The following USH2A variants were observed in gnomAD, a reference collection of about 807,000 sequenced individuals.
USH2A encodes usherin.
Under a neutral mutation model 538.9 loss-of-function variants are expected in USH2A, and 443 were observed. That is an observed-to-expected ratio of 0.82 (90% confidence interval 0.76 to 0.89). The LOEUF is 0.89. Ranked by LOEUF, USH2A falls within the 40% of genes least tolerant of loss-of-function variation. The pLI, the probability that USH2A is intolerant of heterozygous loss-of-function variation, is 0.00. For synonymous variants in USH2A, 2,413 were observed against 2,273.5 expected (o/e 1.06, Z -1.75); for missense variants, 6,633 against 6,324.8 (o/e 1.05, Z -1.65).
intron 10 of USH2A, among the ~76,000 whole-genome samples, chr1:216,290,955 T>C (rs780061401): frequency 5.3e-5 from 8 of 152,148 alleles, no homozygotes; most frequent in Non-Finnish European, 8.8e-5. Context: ...TTTCTCTCTA[T>C]CCGTACCATC....
chr1:215,795,953 C>T (rs1409519565), intron 50 of USH2A, among the ~76,000 whole-genome samples: 2 of 151,952 alleles, frequency 1.3e-5, no homozygotes, highest in Non-Finnish European at 2.9e-5. Flanking sequence ...TTTATTAATG[C>T]ATTTAGACAT....
intron 14 of USH2A, among the ~76,000 whole-genome samples, chr1:216,227,119 G>A (rs2035577863): frequency 6.6e-6 from 1 of 152,004 alleles, no homozygotes; most frequent in African/African-American, 2.4e-5. Flanking sequence ...ACCCATTTTT[G>A]TTTATTATAT....
chr1:216,073,595 G>A (rs995387420), intron 27 of USH2A, among the ~76,000 whole-genome samples: 7 of 152,094 alleles, frequency 4.6e-5, no homozygotes, highest in East Asian at 1.9e-4. Context: ...TCTAAATTCC[G>A]CTTCTTCCCA....
chr1:215,816,930 C>T, intron 48 of USH2A, 67 bp downstream of exon 48: 1 of 1,489,574 alleles, frequency 6.7e-7, no homozygotes, highest in South Asian at 1.1e-5. Context: ...GTGTGAGAAG[C>T]TAATAATTTC....
At chr1:216,205,759 TC>T (rs1421497961) in intron 16 of USH2A, among the ~76,000 whole-genome samples, 1 of 152,182 alleles carries the variant, frequency 6.6e-6, no homozygotes, top group African/African-American at 2.4e-5. Flanking sequence ...GAATTGCTGT[TC>T]CGAGGTTTCT....
chr1:216,366,860 A>G (rs1360715895), intron 3 of USH2A, among the ~76,000 whole-genome samples: 2 of 151,550 alleles, frequency 1.3e-5, no homozygotes, highest in Non-Finnish European at 1.5e-5. Flanking sequence ...GTAGGGCTGC[A>G]TTTTTTTTGC....
In USH2A at chr1:215,623,511, G is replaced by GGC. The variant is rs1280023477; in HGVS notation, c.*2268_*2269dup. 1 of 152,074 alleles carries GGC rather than the reference G, an allele frequency of 6.6e-6. No homozygotes were observed. The highest frequency in any genetic ancestry group is 1.9e-4 in the East Asian group (1 of 5,180). 9.4% of individuals were successfully genotyped at this position (152,074 alleles called of 1,614,324 possible). A position where few individuals can be genotyped will look rare whatever the true frequency, so the allele number is the denominator to read the frequency against. On this transcript the variant is annotated 3_prime_UTR_variant, in exon 72 of 72. Transcript: ENST00000307340. ...GAGTCTGCATGGTTTGTATAATAGA[G>GGC]GCTTGGCACGCAATACCACTTAAAG...
chr1:215,999,254 T>C lies in USH2A; in HGVS notation c.6486-196A>G, dbSNP rs539440166. The stretch of plus-strand genomic sequence containing the variant: ...TGAGGGGCAAAAAGGAAATGTGATA[T>C]GGCTCCTGCCATCTGGTTACCTGTA... On this transcript the variant is annotated intron_variant, in intron 33 of 71. Coordinates refer to ENST00000307340, the MANE Select transcript of USH2A (RefSeq NM_206933.4). Among the ~76,000 whole-genome samples, 7 of 152,344 alleles carry C rather than the reference T, an allele frequency of 4.6e-5. No individual in the cohort carries two copies. The East Asian group carries it at 1.3e-3, about 29-fold the overall frequency.
chr1:216,102,438 A>T (rs1332142037), intron 21 of USH2A, among the ~76,000 whole-genome samples: 3 of 151,396 alleles, frequency 2.0e-5, no homozygotes, highest in African/African-American at 7.3e-5. Flanking sequence ...TAATATCTAT[A>T]CATGCAACAT....
In USH2A at chr1:215,900,900, C is replaced by T; in HGVS notation, c.7306G>A (p.Asp2436Asn). The T allele has an allele frequency of 6.2e-7, 1 of 1,613,392 alleles. No homozygotes were observed. Among genetic ancestry groups the T allele is most frequent in the South Asian group, 1.1e-5 (1 of 91,080 alleles). Residue 2436 changes from aspartate (D) to asparagine (N), a missense_variant, in exon 39 of 72, where the codon GAT (aspartate) becomes AAT (asparagine). Transcript: ENST00000307340. ...ITIAMPPGAP[D>N]GVLPPRLSSA... The stretch of plus-strand genomic sequence containing the variant: ...GAAAGCCTGGGAGGCAGCACGCCAT[C>T]TGGAGCTGTCGAAAAACACAGATGA...
intron 41 of USH2A, among the ~76,000 whole-genome samples, chr1:215,882,162 A>C (rs1479166126): frequency 6.6e-6 from 1 of 152,226 alleles, no homozygotes; most frequent in Non-Finnish European, 1.5e-5. Flanking sequence ...AAATGTCTCA[A>C]AGCGGTGTGG....
At chr1:216,141,411 G>C (rs669825) in intron 21 of USH2A, among the ~76,000 whole-genome samples, 146,895 of 152,296 alleles carry the variant, frequency 0.96, 70,889 homozygotes, top group East Asian at 1. Context: ...GACATTTTCC[G>C]TAAAATTCCT....
At chr1:216,318,124 C>T (rs1410502996) in intron 9 of USH2A, among the ~76,000 whole-genome samples, 3 of 152,178 alleles carry the variant, frequency 2.0e-5, no homozygotes, top group Non-Finnish European at 4.4e-5. Context: ...ATAGGAAAGA[C>T]AATTGCCAAG....
At chr1:215,729,763 T>C (rs1286572882) in intron 60 of USH2A, among the ~76,000 whole-genome samples, 1 of 152,180 alleles carries the variant, frequency 6.6e-6, no homozygotes, top group Non-Finnish European at 1.5e-5. Flanking sequence ...CCTGAGTAGC[T>C]AGGACTACAG....
chr1:216,388,987 G>A (rs559978407), intron 3 of USH2A, among the ~76,000 whole-genome samples: 1 of 152,250 alleles, frequency 6.6e-6, no homozygotes, highest in African/African-American at 2.4e-5. Context: ...TATGATGGCA[G>A]TATAAGAATA....
Position 215,866,903 on chromosome 1 carries a change from T to G in USH2A, c.8845+104A>C, listed in dbSNP as rs1664483499. On this transcript the variant is annotated intron_variant, in intron 44 of 71. Coordinates refer to ENST00000307340, the MANE Select transcript of USH2A (RefSeq NM_206933.4). ...ATTGGTAAAAATTTACCAGTAACAC[T>G]TCACTATCAAAATGATGTGTACATG... The G allele has an allele frequency of 2.0e-6, 3 of 1,507,330 alleles. No homozygotes were observed. In the South Asian group the frequency reaches 3.5e-5, roughly 18 times the overall value. The allele number at this position is 1,507,330 out of a possible 1,614,324, so 93.4% of individuals were successfully genotyped here.
At chr1:216,028,717 C>T (rs1669025927) in intron 32 of USH2A, among the ~76,000 whole-genome samples, 1 of 152,026 alleles carries the variant, frequency 6.6e-6, no homozygotes, top group African/African-American at 2.4e-5. Flanking sequence ...TATATTAAAA[C>T]ATTTACAAAA....
chr1:216,038,980 T>C (rs2030132280), intron 32 of USH2A, among the ~76,000 whole-genome samples: 1 of 152,084 alleles, frequency 6.6e-6, no homozygotes, highest in African/African-American at 2.4e-5. Flanking sequence ...TAACAGATCA[T>C]ATAATATTTG....
intron 64 of USH2A, among the ~76,000 whole-genome samples, 186 bp downstream of exon 64, chr1:215,670,785 GA>G (rs1657789117): frequency 6.6e-6 from 1 of 151,988 alleles, no homozygotes; most frequent in South Asian, 2.1e-4. Context: ...CAAAAACCAA[GA>G]AAATGAAAAA....
Sources: gnomAD v4.1 joint callset for allele counts (sites outside exome capture counted in the v4.1 genomes callset) on GRCh38, gnomAD v4.1.1 for gene constraint, MANE v1.5 for transcripts, NCBI Gene and HGNC (gene_info 2026-07-23, HGNC 2026-07-21) for gene names.